Variants in SORBS2 observed in about 807,000 individuals in gnomAD.
SORBS2 encodes the protein sorbin and SH3 domain containing 2.
Under a neutral mutation model 97.7 loss-of-function variants are expected in SORBS2, and 46 were observed. The observed-to-expected ratio is 0.47, with a 90% CI of 0.37 to 0.60. The LOEUF (loss-of-function observed/expected upper bound fraction) is 0.60, where lower values mean the gene tolerates loss of function less well. SORBS2 is among the 20% of genes least tolerant of loss of function. SORBS2 has a pLI of 0.00. For synonymous variants in SORBS2, 476 were observed against 473.4 expected (o/e 1.01, Z -0.07); for missense variants, 1,316 against 1,282.3 (o/e 1.03, Z -0.40).
At chr4:185,636,792 G>A (rs2097013976) in intron 4 of SORBS2, among the ~76,000 whole-genome samples, 1 of 152,066 alleles carries the variant, frequency 6.6e-6, no homozygotes, top group African/African-American at 2.4e-5. Flanking sequence ...GGGACTACAG[G>A]CACCCGCCAC....
chr4:185,636,023 T>C (rs1436478071), intron 4 of SORBS2, among the ~76,000 whole-genome samples: 8 of 152,110 alleles, frequency 5.3e-5, no homozygotes, highest in Non-Finnish European at 1.2e-4. Context: ...CATGCCCAGC[T>C]AATTTTTGTA....
At chr4:185,712,855 T>G (rs72702058) in intron 2 of SORBS2, among the ~76,000 whole-genome samples, 3,592 of 152,264 alleles carry the variant, frequency 0.024, 49 homozygotes, top group Middle Eastern at 0.044. Context: ...CAGGGGAATA[T>G]CCTGCATCGC....
chr4:185,641,908 A>G (rs778920855), intron 4 of SORBS2, among the ~76,000 whole-genome samples: 6 of 152,174 alleles, frequency 3.9e-5, no homozygotes, highest in Non-Finnish European at 8.8e-5. Flanking sequence ...AACTTTAAAA[A>G]TTTTAGTGTT....
At chr4:185,658,916 T>C (rs901094), upstream of SORBS2, among the ~76,000 whole-genome samples, 9,512 of 151,966 alleles carry the variant, frequency 0.063, 966 homozygotes, top group African/African-American at 0.22. Flanking sequence ...CCATGCTAGC[T>C]AGGATGGTCC....
intron 2 of SORBS2, among the ~76,000 whole-genome samples, chr4:185,679,516 G>A (rs990387739): frequency 1.3e-5 from 2 of 152,154 alleles, no homozygotes; most frequent in Non-Finnish European, 2.9e-5. Flanking sequence ...CAATTTTATT[G>A]AAGTTATATA....
chr4:185,939,876 T>G (rs2099270989), intron 1 of SORBS2, among the ~76,000 whole-genome samples: 2 of 152,166 alleles, frequency 1.3e-5, no homozygotes, highest in African/African-American at 2.4e-5. Flanking sequence ...TTCATCCCCA[T>G]GCCCCCAGTG....
chr4:185,847,986 G>A lies in SORBS2; in HGVS notation c.-337-72620C>T, dbSNP rs555070915. On this transcript the variant is annotated intron_variant, in intron 1 of 20. Transcript: ENST00000284776. ...CAGGGCTGACCTGGCCTGAATTGTG[G>A]GATCTGAACTCTCCCAGAAATTTAA... 1.1e-4 allele frequency among the ~76,000 whole-genome samples: 17 copies of A among 152,248 alleles called. No homozygotes were observed. In the East Asian group the frequency reaches 2.1e-3, roughly 19 times the overall value.
At chr4:185,841,929 G>A (rs952515502) in intron 1 of SORBS2, among the ~76,000 whole-genome samples, 7 of 152,120 alleles carry the variant, frequency 4.6e-5, no homozygotes, top group Non-Finnish European at 7.3e-5. Flanking sequence ...CCAGGTGGAC[G>A]GTGAATTAGA....
chr4:185,878,714 G>A (rs564478969), intron 1 of SORBS2, among the ~76,000 whole-genome samples: 1 of 152,236 alleles, frequency 6.6e-6, no homozygotes, highest in East Asian at 1.9e-4. Context: ...CAGCACCCAG[G>A]GAACTCCACA....
At chr4:185,750,827 A>C (rs1163393477) in intron 2 of SORBS2, among the ~76,000 whole-genome samples, 1 of 152,076 alleles carries the variant, frequency 6.6e-6, no homozygotes, top group East Asian at 1.9e-4. Flanking sequence ...GTTGGGGGTA[A>C]GGTACAAGCT....
At chr4:185,666,120 C>T (rs564716178) in intron 4 of SORBS2, 7 of 1,289,686 alleles carry the variant, frequency 5.4e-6, no homozygotes, top group East Asian at 1.1e-4. Flanking sequence ...AAGGAGGGCA[C>T]GGAGGAGAAG....
rs771608241 is a variant in SORBS2 at position 185,623,976 on chromosome 4, C to G, written c.1153G>C (p.Glu385Gln). ...AGGTCCTTGTGCTGCTGCTCGCTCT[C>G]GTACTGCAGAATCCTGGACTTCACG... Residue 385 changes from glutamate to glutamine, a missense_variant, in exon 7 of 15, where the codon GAG (glutamate) becomes CAG (glutamine). By Grantham distance (29) the Glu-to-Gln change is conservative. Coordinates refer to ENST00000418609, the Ensembl canonical transcript of SORBS2. The surrounding 1 kb of genome is among the most constrained non-coding windows in gnomAD (Gnocchi z 6.4). The G allele has an allele frequency of 1.9e-6, 3 of 1,614,170 alleles. No individual in the cohort carries two copies. Among genetic ancestry groups the G allele is most frequent in the Non-Finnish European group, 2.5e-6 (3 of 1,180,022 alleles).
At chr4:185,614,163 T>G (rs1282439701) in intron 11 of SORBS2, among the ~76,000 whole-genome samples, 4 of 96,246 alleles carry the variant, frequency 4.2e-5, no homozygotes, top group Admixed American at 1.0e-4. Flanking sequence ...TTTTGTGTTT[T>G]TTTTTTTTTT....
At position 185,684,300 on chromosome 4, in the gene SORBS2, G is replaced by C. The variant is rs2097916474; in HGVS notation, c.-197-5478C>G. Among the ~76,000 whole-genome samples the C allele has an allele frequency of 6.6e-6, 1 of 152,162 alleles. No individual in the cohort carries two copies. The highest frequency in any genetic ancestry group is 1.5e-5 in the Non-Finnish European group (1 of 68,020). ...TCTTAATTGGTCAAGATTTTGGTAT[G>C]TTTAAATATATATAGTAGAAGGGTA... On this transcript the variant is annotated intron_variant, in intron 2 of 20. Transcript: ENST00000284776. The surrounding 1 kb of genome is among the most constrained non-coding windows in gnomAD (Gnocchi z 4.2).
chr4:185,750,747 G>T (rs1263486771), intron 2 of SORBS2, among the ~76,000 whole-genome samples: 1 of 152,200 alleles, frequency 6.6e-6, no homozygotes, highest in Non-Finnish European at 1.5e-5. Flanking sequence ...GTGCTCATGA[G>T]TGACAGACAA....
Position 185,835,600 on chromosome 4 carries a change from C to T in SORBS2, c.-337-60234G>A, listed in dbSNP as rs140874225. Among the ~76,000 whole-genome samples the T allele has an allele frequency of 3.5e-3, 522 of 150,302 alleles. 12 individuals are homozygous for T. Among genetic ancestry groups the T allele is most frequent in the East Asian group, 6.8e-3 (35 of 5,136 alleles). ...GCGCACTGTTCAAAAAAGGTGATCA[C>T]GATGGAAAGATTTTAAATTTTGTTG... On this transcript the variant is annotated intron_variant, in intron 1 of 20. Coordinates refer to the SORBS2 transcript ENST00000284776.
At chr4:185,680,806 T>A (rs975880768) in intron 2 of SORBS2, among the ~76,000 whole-genome samples, 3 of 152,018 alleles carry the variant, frequency 2.0e-5, no homozygotes, top group Admixed American at 1.3e-4. Flanking sequence ...TCCCTCTAAA[T>A]GATAGTCTGT....
chr4:185,834,205 G>C (rs775470252), intron 1 of SORBS2, among the ~76,000 whole-genome samples: 4 of 152,106 alleles, frequency 2.6e-5, no homozygotes, highest in African/African-American at 4.8e-5. Context: ...ATCTGCTTCT[G>C]GGGAGGATTC....
intron 2 of SORBS2, among the ~76,000 whole-genome samples, chr4:185,764,624 T>G (rs1423871127): frequency 6.6e-6 from 1 of 152,206 alleles, no homozygotes; most frequent in Non-Finnish European, 1.5e-5. Flanking sequence ...TGTATTTATG[T>G]TTTACATAGT....
Sources: gnomAD v4.1 joint callset for allele counts (sites outside exome capture counted in the v4.1 genomes callset) on GRCh38, gnomAD v4.1.1 for gene constraint, Gnocchi (gnomAD v3.1) non-coding constraint, MANE v1.5 for transcripts, NCBI Gene and HGNC (gene_info 2026-07-23, HGNC 2026-07-21) for gene names.